Variants in RAP1B observed in about 807,000 individuals in gnomAD.
The protein encoded by RAP1B is ras-related protein Rap-1b.
In RAP1B, 1 loss-of-function variant was observed where a neutral mutation model predicts 27.5. That is an observed-to-expected ratio of 0.04 (90% confidence interval 0.01 to 0.17). The LOEUF is 0.17. RAP1B is among the 10% of genes least tolerant of loss of function. The pLI is 1.00. For synonymous variants in RAP1B, 75 were observed against 73.1 expected (o/e 1.03, Z -0.13); for missense variants, 84 against 214.8 (o/e 0.39, Z 3.81).
At chr12:68,627,680 C>T (rs1029478748) in intron 1 of RAP1B, among the ~76,000 whole-genome samples, 15 of 152,108 alleles carry the variant, frequency 9.9e-5, no homozygotes. Context: ...AAACATAATA[C>T]CTAACTAAAA....
Position 68,667,451 on chromosome 12 carries a change from G to A in RAP1B, c.*8202G>A, listed in dbSNP as rs181595328. On this transcript the variant is annotated 3_prime_UTR_variant, in exon 8 of 8. Coordinates refer to ENST00000250559, the MANE Select transcript of RAP1B (RefSeq NM_001010942.3). ...GGAATGAAGTACACTGAACATTTGA[G>A]GAAGTTAGAGATTAATTCAACCCAG... is the stretch of plus-strand genomic sequence containing the variant. 14 of 152,308 alleles carry A rather than the reference G, an allele frequency of 9.2e-5. No homozygotes were observed. The East Asian group carries it at 2.5e-3, about 27-fold the overall frequency. 9.4% of individuals were successfully genotyped at this position (152,308 alleles called of 1,614,324 possible).
At position 68,662,034 on chromosome 12, in the gene RAP1B, T is replaced by TATATATATATATAAA. The variant is rs1565677504; in HGVS notation, c.*2792_*2793insTATATAAAATATATA. The TATATATATATATAAA allele has an allele frequency of 3.1e-5, 4 of 127,798 alleles. No individual in the cohort carries two copies. The highest frequency in any genetic ancestry group is 1.1e-4 in the African/African-American group (4 of 36,178). 7.9% of individuals were successfully genotyped at this position (127,798 alleles called of 1,614,324 possible). On this transcript the variant is annotated 3_prime_UTR_variant, in exon 8 of 8. Transcript: ENST00000250559. ...TATATATATATATATATATATATAT[T>TATATATATATATAAA]ATATATAGTACATATATAGAGAGAG...
chr12:68,616,176 A>G (rs1367655584), intron 1 of RAP1B, among the ~76,000 whole-genome samples: 1 of 151,936 alleles, frequency 6.6e-6, no homozygotes, highest in African/African-American at 2.4e-5. Context: ...GTTAGCCAGG[A>G]TGGTCTGGAT....
At chr12:68,657,951 CATGTGCAGG>C (rs970761154) in intron 7 of RAP1B, among the ~76,000 whole-genome samples, 1 of 151,662 alleles carries the variant, frequency 6.6e-6, no homozygotes, top group African/African-American at 2.4e-5. Context: ...TTCCAGGATA[CATGTGCAGG>C]ATGTGCAGGT....
chr12:68,654,376 AAC>A lies in RAP1B; in HGVS notation c.324+125_324+126del, dbSNP rs1385702095. The A allele has an allele frequency of 4.5e-5, 33 of 731,458 alleles. No homozygotes were observed. The South Asian group carries it at 4.8e-4, about 11-fold the overall frequency. The allele number at this position is 731,458 out of a possible 1,614,324, so 45.3% of individuals were successfully genotyped here. A position where few individuals can be genotyped will look rare whatever the true frequency, so the allele number is the denominator to read the frequency against. Reference sequence around the variant, plus strand: ...TGGGGGGGGGGTGTTGGTTTTTTTAAACTTTTTCCTTGAAAGGCAAAAATACC... The same window carrying A: ...TGGGGGGGGGGTGTTGGTTTTTTTAATTTTTCCTTGAAAGGCAAAAATACC... On this transcript the variant is annotated intron_variant, in intron 5 of 7. Transcript: ENST00000250559.
chr12:68,610,960 C>T lies in RAP1B; in HGVS notation c.-110C>T, dbSNP rs1592408928. 6.4e-6 allele frequency: 2 copies of T among 314,314 alleles called. No individual in the cohort carries two copies. Among genetic ancestry groups the T allele is most frequent in the Non-Finnish European group, 1.2e-5 (2 of 171,172 alleles). 19.5% of individuals were successfully genotyped at this position (314,314 alleles called of 1,614,324 possible). On this transcript the variant is annotated 5_prime_UTR_variant, in exon 1 of 8. Transcript: ENST00000250559. ...ACCAGCCGGAGCGGCGCGGCAGCGG[C>T]AGGACCGCCGTGGCGCCTAGAGTAG...
rs1874529130 is a variant in RAP1B at position 68,660,306 on chromosome 12, A to G, written c.*1057A>G. 1.4e-5 allele frequency: 2 copies of G among 141,984 alleles called. No individual in the cohort carries two copies. Among genetic ancestry groups the G allele is most frequent in the South Asian group, 2.4e-4 (1 of 4,190 alleles). The allele number at this position is 141,984 out of a possible 1,614,324, so 8.8% of individuals were successfully genotyped here. ...GTAACTATTGCTGTTTTATTTAACA[A>G]TGCCTTGTTGCTTTGTATGCATTAA... On this transcript the variant is annotated 3_prime_UTR_variant, in exon 8 of 8. Transcript: ENST00000250559.
At chr12:68,645,405 G>A (rs949638260) in intron 1 of RAP1B, among the ~76,000 whole-genome samples, 3 of 152,258 alleles carry the variant, frequency 2.0e-5, no homozygotes, top group African/African-American at 7.2e-5. Flanking sequence ...AATAGTAGTT[G>A]TCACAAATGT....
intron 1 of RAP1B, among the ~76,000 whole-genome samples, chr12:68,617,571 T>C (rs1457119026): frequency 6.6e-6 from 1 of 152,196 alleles, no homozygotes; most frequent in Non-Finnish European, 1.5e-5. Context: ...TAGAAAAGTA[T>C]AAAGAAGAAA....
At chr12:68,613,653 G>A (rs1442820166) in intron 1 of RAP1B, among the ~76,000 whole-genome samples, 1 of 152,226 alleles carries the variant, frequency 6.6e-6, no homozygotes, top group African/African-American at 2.4e-5. Flanking sequence ...AGTACCATGA[G>A]GGTAGGGACT....
chr12:68,614,761 G>A (rs531381815), intron 1 of RAP1B, among the ~76,000 whole-genome samples: 3 of 152,200 alleles, frequency 2.0e-5, no homozygotes, highest in Non-Finnish European at 4.4e-5. Context: ...TCAGCCATCT[G>A]TAAACAGGAG....
At chr12:68,643,852 T>G (rs1873201428) in intron 1 of RAP1B, among the ~76,000 whole-genome samples, 1 of 152,098 alleles carries the variant, frequency 6.6e-6, no homozygotes, top group Admixed American at 6.5e-5. Flanking sequence ...TTTCTATTTA[T>G]TAACAATAGA....
At chr12:68,644,443 G>T (rs978551199) in intron 1 of RAP1B, among the ~76,000 whole-genome samples, 1 of 151,804 alleles carries the variant, frequency 6.6e-6, no homozygotes, top group Non-Finnish European at 1.5e-5. Context: ...AATTAGCTGG[G>T]CGTGATGGTG....
intron 1 of RAP1B, among the ~76,000 whole-genome samples, chr12:68,616,270 T>TTTG (rs1226730043): frequency 6.7e-6 from 1 of 149,750 alleles, no homozygotes; most frequent in Non-Finnish European, 1.5e-5. Context: ...CCTTTGTTTT[T>TTTG]TTGTTGTTGT....
chr12:68,640,790 A>G (rs1039106291), intron 1 of RAP1B, among the ~76,000 whole-genome samples: 8 of 152,106 alleles, frequency 5.3e-5, no homozygotes, highest in Admixed American at 4.6e-4. Context: ...TAAATCAGTT[A>G]TTTGCATTTT....
At chr12:68,633,048 C>T (rs1223080271) in intron 1 of RAP1B, among the ~76,000 whole-genome samples, 3 of 152,184 alleles carry the variant, frequency 2.0e-5, no homozygotes, top group Non-Finnish European at 2.9e-5. Flanking sequence ...GAGAAGCTCA[C>T]TAAGTTAGAA....
chr12:68,655,812 AGGC>A (rs1412282031), intron 5 of RAP1B, among the ~76,000 whole-genome samples: 1 of 152,250 alleles, frequency 6.6e-6, no homozygotes, highest in African/African-American at 2.4e-5. Context: ...CTGGGATTAC[AGGC>A]GTGAGCCACT....
chr12:68,647,476 C>T (rs1205865346), intron 1 of RAP1B, among the ~76,000 whole-genome samples: 2 of 148,692 alleles, frequency 1.3e-5, no homozygotes, highest in African/African-American at 5.0e-5. Context: ...CCACCTCAGC[C>T]TCCCAAAGTG....
chr12:68,633,729 G>A (rs1009156831), intron 1 of RAP1B, among the ~76,000 whole-genome samples: 1 of 152,106 alleles, frequency 6.6e-6, no homozygotes, highest in Admixed American at 6.6e-5. Context: ...AATTAGCCAG[G>A]CATGGTGGCG....
Sources: allele counts gnomAD v4.1 joint callset (sites outside exome capture counted in the v4.1 genomes callset), GRCh38; gene constraint gnomAD v4.1.1; transcripts MANE v1.5; gene names NCBI Gene and HGNC (gene_info 2026-07-23, HGNC 2026-07-21).